Variants in BCL6 observed in about 807,000 individuals in gnomAD.
BCL6 encodes B-cell lymphoma 6 protein.
BCL6 carries 7 observed loss-of-function variants against 59.5 expected under a neutral mutation model. The ratio of observed to expected loss-of-function variants is 0.12; its 90% CI spans 0.07 to 0.22. BCL6 has a LOEUF of 0.22. BCL6 is among the 10% of genes least tolerant of loss of function. The probability of loss-of-function intolerance (pLI) is 1.00; values close to 1 mark genes in which losing one functional copy is unlikely to be tolerated. For synonymous variants in BCL6, 339 were observed against 349.7 expected, an observed-to-expected ratio of 0.97 and a Z score of 0.34; for missense variants, 685 against 939.4, an observed-to-expected ratio of 0.73 and a Z score of 3.54.
In BCL6 at chr3:187,725,444, TCGCCTGCCCGCTCC is replaced by T; in HGVS notation, c.1839+41_1839+54del. The T allele has an allele frequency of 3.2e-6, 5 of 1,546,046 alleles. No homozygotes were observed. Among genetic ancestry groups the T allele is most frequent in the Non-Finnish European group, 4.3e-6 (5 of 1,150,366 alleles). ...TCCGCTTGCCTGCCCACTCCTCCGC[TCGCCTGCCCGCTCC>T]GCTCGCCTGCCCGCTCCGCTCGCCT... On this transcript the variant is annotated intron_variant, in intron 8 of 9. Coordinates refer to ENST00000406870, the MANE Select transcript of BCL6 (RefSeq NM_001706.5). The surrounding 1 kb of genome is among the most constrained non-coding windows in gnomAD (Gnocchi z 4.7).
intron 1 of BCL6, among the ~76,000 whole-genome samples, chr3:187,735,587 G>C (rs539023992): frequency 3.9e-5 from 6 of 152,132 alleles, no homozygotes; most frequent in Non-Finnish European, 8.8e-5. Context: ...TCCCTACTGG[G>C]TCTAAGACCA....
At chr3:187,744,622 T>C (rs532551176) in intron 1 of BCL6, among the ~76,000 whole-genome samples, 6 of 152,078 alleles carry the variant, frequency 3.9e-5, no homozygotes, top group East Asian at 3.9e-4. Flanking sequence ...CATTTTTTCC[T>C]TCCAAATCTC....
chr3:187,728,299 A>T, intron 6 of BCL6, 61 bp downstream of exon 6: 1 of 1,455,676 alleles, frequency 6.9e-7, no homozygotes, highest in Non-Finnish European at 9.3e-7. Flanking sequence ...GGAGCACAAA[A>T]CCTATGGAGC....
chr3:187,744,377 AGG>A, intron 1 of BCL6, among the ~76,000 whole-genome samples: 1 of 145,876 alleles, frequency 6.9e-6, no homozygotes, highest in Admixed American at 6.8e-5. Flanking sequence ...CGGGATGAGC[AGG>A]GAGAGCGCGC....
At chr3:187,737,353 G>C (rs1488722511) in intron 1 of BCL6, 7 of 61,614 alleles carry the variant, frequency 1.1e-4, no homozygotes, top group Non-Finnish European at 1.9e-4. Context: ...ACGACAGAGA[G>C]AGAGAGAGAG....
chr3:187,738,901 G>A (rs555709533), intron 1 of BCL6, among the ~76,000 whole-genome samples: 87 of 152,320 alleles, frequency 5.7e-4, no homozygotes, highest in Admixed American at 1.8e-3. Flanking sequence ...TGAGAATCTG[G>A]GAAGTTAAAA....
chr3:187,722,426 G>T lies in BCL6; in HGVS notation c.*32C>A, dbSNP rs755173299. ...ATCCTTTGGGTAGATTCTGAGAAGG[G>T]GCTGGAGACGAAAGCATCAACACTC... On this transcript the variant is annotated 3_prime_UTR_variant, in exon 10 of 10. Coordinates refer to ENST00000406870, the MANE Select transcript of BCL6 (RefSeq NM_001706.5). The T allele has an allele frequency of 6.3e-7, 1 of 1,599,914 alleles. No individual in the cohort carries two copies. The highest frequency in any genetic ancestry group is 8.5e-7 in the Non-Finnish European group (1 of 1,173,246).
At position 187,722,617 on chromosome 3, in the gene BCL6, A is replaced by T. The variant is rs772545135; in HGVS notation, c.1978-16T>A. 6.2e-7 allele frequency: 1 copy of T among 1,609,720 alleles called. No individual in the cohort carries two copies. The highest frequency in any genetic ancestry group is 8.5e-7 in the Non-Finnish European group (1 of 1,177,734). ...ACTTCTCACACTGCAGGGATATCAG[A>T]GGCAAACTGTTAGCTGTCATCAACC... On this transcript the variant is annotated splice_polypyrimidine_tract_variant and intron_variant, in intron 9 of 9. Transcript: ENST00000406870.
At position 187,729,161 on chromosome 3, in the gene BCL6, T is replaced by C. The variant is rs774320115; in HGVS notation, c.1244A>G (p.Gln415Arg). Residue 415 changes from glutamine (Q) to arginine (R), a missense_variant, in exon 5 of 10, where the codon CAG becomes CGG. By Grantham distance (43) the Gln-to-Arg change is conservative. This residue lies in a region of BCL6 where 207 missense variants were observed against 213.7 expected (regional missense o/e 0.97). Transcript: ENST00000406870. The surrounding 1 kb of genome is among the most constrained non-coding windows in gnomAD (Gnocchi z 5.6). The stretch of plus-strand genomic sequence containing the variant: ...AAGGTTCTCAGGCTCCATGGGTGGC[T>C]GGCAGGCAGGTGGGGCCGTGTAGGC... ...PRAYTAPPAC[Q>R]PPMEPENLDL... The C allele has an allele frequency of 1.2e-6, 2 of 1,609,356 alleles. No homozygotes were observed. Among genetic ancestry groups the C allele is most frequent in the South Asian group, 1.1e-5 (1 of 90,704 alleles).
chr3:187,735,119 T>A (rs1579821200), intron 1 of BCL6, among the ~76,000 whole-genome samples: 1 of 152,218 alleles, frequency 6.6e-6, no homozygotes, highest in Non-Finnish European at 1.5e-5. Context: ...AATGTTTTTA[T>A]CCAGAGTACT....
At position 187,725,167 on chromosome 3, in the gene BCL6, C is replaced by A; in HGVS notation, c.1840-89G>T. 1 of 1,567,878 alleles carries A rather than the reference C, an allele frequency of 6.4e-7. No individual in the cohort carries two copies. Among genetic ancestry groups the A allele is most frequent in the East Asian group, 2.3e-5 (1 of 44,420 alleles). The stretch of plus-strand genomic sequence containing the variant: ...CATTAGCACACAGCCAGTGAGTGGG[C>A]CTTTCTCCAGGCCACTCTGCTCACC... On this transcript the variant is annotated intron_variant, in intron 8 of 9. Coordinates refer to ENST00000406870, the MANE Select transcript of BCL6 (RefSeq NM_001706.5). This position sits in a 1 kb window ranked among gnomAD's most constrained non-coding sequence, Gnocchi z 4.7.
chr3:187,729,195 A>C lies in BCL6; in HGVS notation c.1210T>G (p.Ser404Ala). 6.4e-7 allele frequency: 1 copy of C among 1,573,532 alleles called. No individual in the cohort carries two copies. The highest frequency in any genetic ancestry group is 8.6e-7 in the Non-Finnish European group (1 of 1,157,800). Residue 404 changes from serine to alanine, a missense_variant, in exon 5 of 10, where the codon TCC (serine) becomes GCC (alanine). Ser to Ala is a moderately conservative substitution (Grantham distance 99). Coordinates refer to ENST00000406870, the MANE Select transcript of BCL6 (RefSeq NM_001706.5). This position sits in a 1 kb window ranked among gnomAD's most constrained non-coding sequence, Gnocchi z 5.6. ...GPEQAELGRL[S>A]PRAYTAPPAC... ...GGTGGGGCCGTGTAGGCTCGTGGGG[A>C]AAGGCGGCCCAGCTCAGCCTGCTCA...
At position 187,744,099 on chromosome 3, in the gene BCL6, C is replaced by T. The variant is rs573098529; in HGVS notation, c.-50+1311G>A. ...GTCCACTACGCTCAGGCCCGCAGTTCCCTTTTTACAGAGCTTGCACCATGG... is the reference window on the plus strand; with the variant it reads ...GTCCACTACGCTCAGGCCCGCAGTTTCCTTTTTACAGAGCTTGCACCATGG... On this transcript the variant is annotated intron_variant, in intron 1 of 9. Transcript: ENST00000406870. Among the ~76,000 whole-genome samples, 5 of 152,188 alleles carry T rather than the reference C, an allele frequency of 3.3e-5. No individual in the cohort carries two copies. The East Asian group carries it at 7.7e-4, about 24-fold the overall frequency.
At chr3:187,744,871 A>T in intron 1 of BCL6, among the ~76,000 whole-genome samples, 1 of 152,286 alleles carries the variant, frequency 6.6e-6, no homozygotes, top group African/African-American at 2.4e-5. Context: ...ACGAATCCAG[A>T]GAGATCACAA....
chr3:187,740,368 C>G (rs969574923), intron 1 of BCL6, among the ~76,000 whole-genome samples: 6 of 152,068 alleles, frequency 3.9e-5, no homozygotes, highest in Non-Finnish European at 8.8e-5. Context: ...CGCAAACCCC[C>G]GAGCTCCGAG....
rs34463990 is a variant in BCL6 at position 187,729,650 on chromosome 3, T to C, written c.755A>G (p.Asn252Ser). Residue 252 changes from asparagine (N) to serine (S), a missense_variant, in exon 5 of 10, where the codon AAT becomes AGT. Asn to Ser is a conservative substitution (Grantham distance 46). Transcript: ENST00000406870. This position sits in a 1 kb window ranked among gnomAD's most constrained non-coding sequence, Gnocchi z 5.6. The stretch of plus-strand genomic sequence containing the variant: ...TGAATAGATATTGCTGTGGCACACA[T>C]TGGGGGACACCTCCAAAGTCGGCCG... ...YSRPTLEVSP[N>S]VCHSNIYSPK... The C allele has an allele frequency of 5.8e-5, 94 of 1,613,966 alleles. No homozygotes were observed. The highest frequency in any genetic ancestry group is 2.5e-4 in the African/African-American group (19 of 74,908).
intron 1 of BCL6, among the ~76,000 whole-genome samples, chr3:187,744,545 A>C (rs1711790793): frequency 6.6e-6 from 1 of 152,202 alleles, no homozygotes; most frequent in African/African-American, 2.4e-5. Context: ...AATAGTAGAC[A>C]CGATACTTCA....
chr3:187,723,907 A>G (rs1560146281), intron 9 of BCL6, among the ~76,000 whole-genome samples: 1 of 152,250 alleles, frequency 6.6e-6, no homozygotes, highest in Non-Finnish European at 1.5e-5. Context: ...TGCATGTGCT[A>G]TCCTCAACAC....
intron 1 of BCL6, among the ~76,000 whole-genome samples, chr3:187,744,984 C>T (rs533031707): frequency 3.3e-5 from 5 of 152,104 alleles, no homozygotes; most frequent in Admixed American, 6.5e-5. Flanking sequence ...ACCCCCCAAG[C>T]ACTGTCTCGT....
Sources: allele counts gnomAD v4.1 joint callset (sites outside exome capture counted in the v4.1 genomes callset), GRCh38; gene constraint gnomAD v4.1.1; regional missense constraint gnomAD v4.1.1; non-coding constraint Gnocchi (gnomAD v3.1); transcripts MANE v1.5; gene names NCBI Gene and HGNC (gene_info 2026-07-23, HGNC 2026-07-21).